SLC5A2: variants seen among roughly 807,000 people sequenced by gnomAD.
SLC5A2 encodes the protein sodium/glucose cotransporter 2.
SLC5A2 carries 67 observed loss-of-function variants against 69.0 expected under a neutral mutation model. The observed-to-expected ratio is 0.97, with a 90% CI of 0.80 to 1.19. The LOEUF (loss-of-function observed/expected upper bound fraction) is 1.19, where lower values mean the gene tolerates loss of function less well. Ranked by LOEUF, SLC5A2 falls within the 50% of genes most tolerant of loss-of-function variation. SLC5A2 has a pLI of 0.00. For synonymous variants in SLC5A2, 455 were observed against 395.8 expected (o/e 1.15, Z -1.78); for missense variants, 1,001 against 921.5 (o/e 1.09, Z -1.12).
Position 31,487,596 on chromosome 16 carries a change from C to T in SLC5A2, c.722C>T (p.Thr241Met). 6.2e-7 allele frequency: 1 copy of T among 1,613,970 alleles called. No individual in the cohort carries two copies. The highest frequency in any genetic ancestry group is 8.5e-7 in the Non-Finnish European group (1 of 1,180,002). Residue 241 changes from threonine to methionine, a missense_variant, in exon 7 of 14, where the codon ACG (threonine) becomes ATG (methionine). Thr to Met is a moderately conservative substitution (Grantham distance 81). Transcript: ENST00000330498. ...DKYLGAATSL[T>M]VSEDPAVGNI... ...TACCTGGGAGCAGCGACTTCGCTGA[C>T]GGTGTCCGAGGATCCAGCCGTGGGA...
chr16:31,489,878 G>T (rs2082545374), intron 12 of SLC5A2: 5 of 577,512 alleles, frequency 8.7e-6, no homozygotes, highest in Non-Finnish European at 1.6e-5. Flanking sequence ...CAAAGCTGGG[G>T]GAGCAAGGCC....
rs893453236 is a variant in SLC5A2, at chr16:31,490,462, G to A, written c.1946G>A (p.Trp649Ter). ...GAGGACATCAGCGAGGACCCGAGCT[G>A]GGCCCGTGTGGTCAACCTCAATGCC... ...RLEDISEDPS[W>*]ARVVNLNALL... Residue 649 changes from tryptophan (W) to a stop codon, truncating the protein, a stop_gained, in exon 14 of 14, where the codon TGG (tryptophan) becomes TAG (stop). Coordinates refer to ENST00000330498, the MANE Select transcript of SLC5A2 (RefSeq NM_003041.4). LOFTEE classifies it high-confidence loss of function. 8 of 1,613,906 alleles carry A rather than the reference G, an allele frequency of 5.0e-6. No homozygotes were observed. In the Admixed American group the frequency reaches 1.2e-4, roughly 24 times the overall value.
In SLC5A2 at chr16:31,485,905, T is replaced by C. The variant is rs766002315; in HGVS notation, c.468+12T>C. The stretch of plus-strand genomic sequence containing the variant: ...TCACCAAGATCTCAGTGAGTGCCTG[T>C]GGCAGATGCGATTGGGCCCTAGAAG... On this transcript the variant is annotated intron_variant, in intron 4 of 13. Transcript: ENST00000330498. 18 of 1,613,260 alleles carry C rather than the reference T, an allele frequency of 1.1e-5. No individual in the cohort carries two copies. Among genetic ancestry groups the C allele is most frequent in the Non-Finnish European group, 1.5e-5 (18 of 1,180,024 alleles).
chr16:31,485,771 G>T lies in SLC5A2; in HGVS notation c.346G>T (p.Val116Leu). The change falls in exon 4 of 14, where the codon GTG (valine) becomes TTG (leucine). Residue 116 changes from valine (V) to leucine (L), a missense_variant. Coordinates refer to ENST00000330498, the MANE Select transcript of SLC5A2 (RefSeq NM_003041.4). Reference sequence around the variant, plus strand: ...GCTACTGGGCTGGCTGTTTGCACCCGTGTACCTGACAGCGGGGGTCATCAC... The same window carrying T: ...GCTACTGGGCTGGCTGTTTGCACCCTTGTACCTGACAGCGGGGGTCATCAC... ...VLLLGWLFAP[V>L]YLTAGVITMP... is the part of the protein sequence containing the mutation. 2 of 1,613,686 alleles carry T rather than the reference G, an allele frequency of 1.2e-6. No homozygotes were observed. Among genetic ancestry groups the T allele is most frequent in the Non-Finnish European group, 1.7e-6 (2 of 1,180,038 alleles).
At chr16:31,489,390 C>T (rs1342191292) in intron 12 of SLC5A2, 52 bp downstream of exon 12, 2 of 1,532,532 alleles carry the variant, frequency 1.3e-6, no homozygotes, top group African/African-American at 1.4e-5. Flanking sequence ...CACCTACCCT[C>T]TGCTTCCTGG....
chr16:31,486,207 C>T lies in SLC5A2; in HGVS notation c.506C>T (p.Ala169Val). 6.2e-7 allele frequency: 1 copy of T among 1,613,656 alleles called. No individual in the cohort carries two copies. Among genetic ancestry groups the T allele is most frequent in the Non-Finnish European group, 8.5e-7 (1 of 1,179,620 alleles). The change falls in exon 5 of 14, where the codon GCT (alanine) becomes GTT (valine). Residue 169 changes from alanine (A) to valine (V), a missense_variant. Physicochemically the swap from Ala to Val is moderately conservative, Grantham distance 64. Transcript: ENST00000330498. ...MFSGAVFIQQ[A>V]LGWNIYASVI... Reference sequence around the variant, plus strand: ...TCCGGAGCTGTATTCATCCAGCAGGCTCTGGGCTGGAACATCTATGCCTCC... The same window carrying T: ...TCCGGAGCTGTATTCATCCAGCAGGTTCTGGGCTGGAACATCTATGCCTCC...
intron 12 of SLC5A2, 194 bp from the exon 13 acceptor site, chr16:31,489,910 A>C: frequency 1.4e-6 from 1 of 691,896 alleles, no homozygotes; most frequent in African/African-American, 1.8e-5. Context: ...ACACAAGCTC[A>C]GGGGCTTGGG....
chr16:31,486,076 G>A, intron 4 of SLC5A2, 94 bp from the exon 5 acceptor site: 1 of 1,233,112 alleles, frequency 8.1e-7, no homozygotes, highest in South Asian at 1.2e-5. Context: ...GAAAAATGGA[G>A]GGAAGCTTTG....
At chr16:31,489,957 G>A (rs531524294) in intron 12 of SLC5A2, 147 bp from the exon 13 acceptor site, 1 of 1,008,868 alleles carries the variant, frequency 9.9e-7, no homozygotes, top group Non-Finnish European at 1.5e-6. Context: ...ATGTAGGGTG[G>A]AGTTGGCATG....
rs1199203379 is a variant in SLC5A2, at chr16:31,490,470, G to A, written c.1954G>A (p.Val652Met). ...CAGCGAGGACCCGAGCTGGGCCCGT[G>A]TGGTCAACCTCAATGCCCTGCTCAT... ...DISEDPSWARVVNLNALLMMA... is the reference protein window; with the variant it reads ...DISEDPSWARMVNLNALLMMA... The change falls in exon 14 of 14, where the codon GTG (valine) becomes ATG (methionine). Residue 652 changes from valine to methionine, a missense_variant. Coordinates refer to ENST00000330498, the MANE Select transcript of SLC5A2 (RefSeq NM_003041.4). 1 of 1,614,030 alleles carries A rather than the reference G, an allele frequency of 6.2e-7. No homozygotes were observed. Among genetic ancestry groups the A allele is most frequent in the Non-Finnish European group, 8.5e-7 (1 of 1,180,010 alleles).
At chr16:31,486,737 C>G (rs1430326289) in intron 5 of SLC5A2, among the ~76,000 whole-genome samples, 1 of 152,220 alleles carries the variant, frequency 6.6e-6, no homozygotes, top group African/African-American at 2.4e-5. Context: ...CAATCATCCT[C>G]TCCTACGATG....
Position 31,487,322 on chromosome 16 carries a change from G to C in SLC5A2, c.577G>C (p.Gly193Arg), listed in dbSNP as rs771879949. 6.2e-7 allele frequency: 1 copy of C among 1,613,692 alleles called. No individual in the cohort carries two copies. Among genetic ancestry groups the C allele is most frequent in the Non-Finnish European group, 8.5e-7 (1 of 1,179,986 alleles). Reference protein sequence around the residue: ...GITMIYTVTGGLAALMYTDTV... With the variant: ...GITMIYTVTGRLAALMYTDTV... Reference sequence around the variant, plus strand: ...CCCCTGACCCCGGCCTGTTGCAGGAGGGCTGGCCGCGCTGATGTACACGGA... The same window carrying C: ...CCCCTGACCCCGGCCTGTTGCAGGACGGCTGGCCGCGCTGATGTACACGGA... Residue 193 changes from glycine to arginine, a missense_variant and splice_region_variant, in exon 6 of 14, where the codon GGG (glycine) becomes CGG (arginine). Physicochemically the swap from Gly to Arg is moderately radical, Grantham distance 125 (BLOSUM62 -2). Transcript: ENST00000330498.
intron 1 of SLC5A2, among the ~76,000 whole-genome samples, chr16:31,484,260 A>G (rs376767310): frequency 2.1e-4 from 31 of 144,228 alleles, no homozygotes; most frequent in African/African-American, 2.9e-4. Context: ...ACACACACGC[A>G]CACACACACA....
At position 31,489,595 on chromosome 16, in the gene SLC5A2, C is replaced by G. The variant is rs368107267; in HGVS notation, c.1665+257C>G. 6.5e-3 allele frequency: 3,808 copies of G among 583,480 alleles called. 159 individuals carry two copies. The South Asian group carries it at 0.073, about 11-fold the overall frequency. The allele number at this position is 583,480 out of a possible 1,614,324, so 36.1% of individuals were successfully genotyped here. On this transcript the variant is annotated intron_variant, in intron 12 of 13. Coordinates refer to ENST00000330498, the MANE Select transcript of SLC5A2 (RefSeq NM_003041.4). ...AATCCTTGGCATGGCCTTTGGGACTCAAAACACAGGATCTGACTGGTGGGC... is the reference window on the plus strand; with the variant it reads ...AATCCTTGGCATGGCCTTTGGGACTGAAAACACAGGATCTGACTGGTGGGC...
intron 12 of SLC5A2, chr16:31,489,545 T>C (rs111880708): frequency 6.5e-6 from 4 of 619,336 alleles, no homozygotes; most frequent in Non-Finnish European, 1.1e-5. Flanking sequence ...TGTTGATGGG[T>C]TGGTGATTAA....
intron 1 of SLC5A2, among the ~76,000 whole-genome samples, chr16:31,483,725 C>CT (rs952157816): frequency 3.3e-5 from 5 of 151,888 alleles, no homozygotes; most frequent in African/African-American, 7.3e-5. Flanking sequence ...AACCGTATCT[C>CT]TTTTTTATTT....
chr16:31,490,646 TC>T lies in SLC5A2; in HGVS notation c.*115del. On this transcript the variant is annotated 3_prime_UTR_variant, in exon 14 of 14. Transcript: ENST00000330498. Reference sequence around the variant, plus strand: ...GGCAGTGGGGTGAGAAGGTCCTGGCTCCCCTTCTCCCGGCCTTCCTCTGCCT... The same window carrying T: ...GGCAGTGGGGTGAGAAGGTCCTGGCTCCCTTCTCCCGGCCTTCCTCTGCCT... 1 of 1,117,714 alleles carries T rather than the reference TC, an allele frequency of 8.9e-7. No individual in the cohort carries two copies. The highest frequency in any genetic ancestry group is 1.3e-6 in the Non-Finnish European group (1 of 756,010). 69.2% of individuals were successfully genotyped at this position (1,117,714 alleles called of 1,614,324 possible). A position where few individuals can be genotyped will look rare whatever the true frequency, so the allele number is the denominator to read the frequency against.
intron 4 of SLC5A2, 106 bp downstream of exon 4, chr16:31,485,999 G>T (rs1296120594): frequency 7.4e-7 from 1 of 1,357,786 alleles, no homozygotes; most frequent in Non-Finnish European, 1.0e-6. Flanking sequence ...CACTGCGAGG[G>T]TTATGATGAT....
In SLC5A2 at chr16:31,490,491, C is replaced by T. The variant is rs201577425; in HGVS notation, c.1975C>T (p.Leu659Phe). Residue 659 changes from leucine to phenylalanine, a missense_variant, in exon 14 of 14, where the codon CTC becomes TTC. Coordinates refer to ENST00000330498, the MANE Select transcript of SLC5A2 (RefSeq NM_003041.4). ...CCGTGTGGTCAACCTCAATGCCCTG[C>T]TCATGATGGCAGTGGCCGTGTTCCT... ...WARVVNLNAL[L>F]MMAVAVFLWG... 37 of 1,613,754 alleles carry T rather than the reference C, an allele frequency of 2.3e-5. No individual in the cohort carries two copies. Among genetic ancestry groups the T allele is most frequent in the Non-Finnish European group, 3.0e-5 (35 of 1,179,964 alleles).
Sources: gnomAD v4.1 joint callset for allele counts (sites outside exome capture counted in the v4.1 genomes callset) on GRCh38, gnomAD v4.1.1 for gene constraint, MANE v1.5 for transcripts, NCBI Gene and HGNC (gene_info 2026-07-23, HGNC 2026-07-21) for gene names.